Variants in TFDP2 observed in about 807,000 individuals in gnomAD.
The protein encoded by TFDP2 is transcription factor Dp-2.
Under a neutral mutation model 59.3 loss-of-function variants are expected in TFDP2, and 17 were observed. The ratio of observed to expected loss-of-function variants is 0.29; its 90% CI spans 0.20 to 0.43. The LOEUF is 0.43. Ranked by LOEUF, TFDP2 falls within the 20% of genes least tolerant of loss-of-function variation. The probability of loss-of-function intolerance (pLI) is 1.00; values close to 1 mark genes in which losing one functional copy is unlikely to be tolerated. For synonymous variants in TFDP2, 180 were observed against 194.7 expected, an observed-to-expected ratio of 0.92 and a Z score of 0.63; for missense variants, 391 against 528.8, an observed-to-expected ratio of 0.74 and a Z score of 2.56.
chr3:141,998,375 G>A (rs1185869263), intron 4 of TFDP2, among the ~76,000 whole-genome samples: 1 of 152,064 alleles, frequency 6.6e-6, no homozygotes, highest in Non-Finnish European at 1.5e-5. Context: ...GGAGCCTAAG[G>A]CAGGTGAGGT....
At chr3:141,980,622 G>A (rs1941388854) in intron 6 of TFDP2, among the ~76,000 whole-genome samples, 1 of 152,046 alleles carries the variant, frequency 6.6e-6, no homozygotes, top group Admixed American at 6.6e-5. Flanking sequence ...AGCTCACTGA[G>A]AAACCCGGGT....
chr3:142,100,593 G>C (rs998215387), intron 2 of TFDP2, among the ~76,000 whole-genome samples: 2 of 151,972 alleles, frequency 1.3e-5, no homozygotes. Flanking sequence ...GGCTGGTCTC[G>C]AACTCCTGAC....
At chr3:141,990,368 G>C (rs763576277) in intron 6 of TFDP2, among the ~76,000 whole-genome samples, 7 of 151,840 alleles carry the variant, frequency 4.6e-5, no homozygotes, top group Non-Finnish European at 1.0e-4. Flanking sequence ...TCTGCCTCCC[G>C]GGTTCAAGCG....
In TFDP2 at chr3:142,031,390, A is replaced by C. The variant is rs923338234; in HGVS notation, c.83-25846T>G. Among the ~76,000 whole-genome samples, 4 of 152,158 alleles carry C rather than the reference A, an allele frequency of 2.6e-5. 1 individual carries two copies. The highest frequency in any genetic ancestry group is 3.4e-3 in the Middle Eastern group (1 of 294). ...TGACCTTCAGCCAATCTATTCCTTC[A>C]AGTTTCCTTCTCCATGCTTGCCTTC... On this transcript the variant is annotated intron_variant, in intron 3 of 12. Transcript: ENST00000489671.
At chr3:142,036,094 G>C (rs1946683880) in intron 3 of TFDP2, among the ~76,000 whole-genome samples, 1 of 152,078 alleles carries the variant, frequency 6.6e-6, no homozygotes, top group African/African-American at 2.4e-5. Context: ...TAGTCCATTT[G>C]TGCCAAGTAA....
intron 5 of TFDP2, 188 bp downstream of exon 5, chr3:141,994,832 G>A (rs1943111905): frequency 2.1e-6 from 1 of 476,808 alleles, no homozygotes; most frequent in African/African-American, 2.0e-5. Flanking sequence ...GTTTTTTTCT[G>A]TTTAAAAATA....
At chr3:141,974,328 A>G (rs186333244) in intron 7 of TFDP2, 137 bp from the exon 8 acceptor site, 5 of 656,604 alleles carry the variant, frequency 7.6e-6, no homozygotes, top group Admixed American at 8.1e-5. Flanking sequence ...ACTGACAAAA[A>G]CATCCAAAAG....
chr3:141,989,801 A>G (rs555348074), intron 6 of TFDP2, among the ~76,000 whole-genome samples: 1 of 152,172 alleles, frequency 6.6e-6, no homozygotes, highest in African/African-American at 2.4e-5. Context: ...TTTCATTATA[A>G]TAACACTAGC....
intron 4 of TFDP2, among the ~76,000 whole-genome samples, chr3:142,000,994 T>C (rs751784409): frequency 3.3e-4 from 50 of 152,304 alleles, no homozygotes; most frequent in Non-Finnish European, 6.0e-4. Context: ...TTGAGTCTTC[T>C]GCATGTGGCT....
intron 6 of TFDP2, among the ~76,000 whole-genome samples, chr3:141,981,340 T>C (rs539576631): frequency 2.6e-5 from 4 of 152,274 alleles, no homozygotes; most frequent in East Asian, 1.9e-4. Flanking sequence ...GGTAAGTACA[T>C]TGATGATGTT....
intron 6 of TFDP2, among the ~76,000 whole-genome samples, chr3:141,991,175 ATT>A (rs1942724209): frequency 6.6e-6 from 1 of 152,190 alleles, no homozygotes; most frequent in East Asian, 1.9e-4. Context: ...ATAAAAAAGT[ATT>A]TTTCTTTCTT....
At chr3:142,137,393 C>T (rs976452519) in intron 1 of TFDP2, among the ~76,000 whole-genome samples, 2 of 152,178 alleles carry the variant, frequency 1.3e-5, no homozygotes, top group Admixed American at 6.5e-5. Context: ...TGCCTGACTG[C>T]CCTGGCCAGA....
chr3:142,125,352 CAG>C (rs1179576347), intron 1 of TFDP2, among the ~76,000 whole-genome samples: 2 of 152,114 alleles, frequency 1.3e-5, no homozygotes, highest in Non-Finnish European at 2.9e-5. Flanking sequence ...TGAGGGAAAA[CAG>C]AGTTTGCCTT....
At chr3:142,109,580 G>A (rs1009588200) in intron 1 of TFDP2, among the ~76,000 whole-genome samples, 5 of 152,004 alleles carry the variant, frequency 3.3e-5, no homozygotes, top group South Asian at 2.1e-4. Flanking sequence ...CGCCCGCCTC[G>A]GCCTCCCAAA....
intron 6 of TFDP2, among the ~76,000 whole-genome samples, chr3:141,986,539 G>C (rs952084001): frequency 6.6e-6 from 1 of 152,048 alleles, no homozygotes; most frequent in Non-Finnish European, 1.5e-5. Flanking sequence ...TGAATACATT[G>C]CAATTCATTC....
At chr3:142,074,307 G>A (rs1345085908) in intron 3 of TFDP2, among the ~76,000 whole-genome samples, 1 of 152,078 alleles carries the variant, frequency 6.6e-6, no homozygotes, top group Non-Finnish European at 1.5e-5. Flanking sequence ...TACTCAGGAG[G>A]CTGAGGCAGG....
chr3:141,954,435 G>A (rs1168821648), intron 11 of TFDP2, among the ~76,000 whole-genome samples: 1 of 151,974 alleles, frequency 6.6e-6, no homozygotes, highest in Non-Finnish European at 1.5e-5. Flanking sequence ...TCAGGAGTTC[G>A]AGACCAGCCT....
intron 3 of TFDP2, among the ~76,000 whole-genome samples, chr3:142,044,855 G>A (rs187527419): frequency 2.0e-5 from 3 of 152,124 alleles, no homozygotes; most frequent in East Asian, 3.9e-4. Context: ...CTTTACCTCC[G>A]TGTTCTTGGG....
chr3:142,072,945 T>C (rs1166935241), intron 3 of TFDP2, among the ~76,000 whole-genome samples: 1 of 152,184 alleles, frequency 6.6e-6, no homozygotes, highest in Non-Finnish European at 1.5e-5. Context: ...ATCCACACAA[T>C]GACTTCCTTC....
Sources: allele counts gnomAD v4.1 joint callset (sites outside exome capture counted in the v4.1 genomes callset), GRCh38; gene constraint gnomAD v4.1.1; transcripts MANE v1.5; gene names NCBI Gene and HGNC (gene_info 2026-07-23, HGNC 2026-07-21).